Variants in ARHGAP26 observed in about 807,000 individuals in gnomAD.
ARHGAP26 encodes the protein Rho GTPase activating protein 26, also known as rho GTPase-activating protein 26.
ARHGAP26 carries 38 observed loss-of-function variants against 104.8 expected under a neutral mutation model. The observed-to-expected ratio is 0.36, with a 90% CI of 0.28 to 0.48. The LOEUF (loss-of-function observed/expected upper bound fraction) is 0.48, where lower values mean the gene tolerates loss of function less well. ARHGAP26 is among the 20% of genes least tolerant of loss of function. ARHGAP26 has a pLI of 0.99. For synonymous variants in ARHGAP26, 341 were observed against 340.0 expected (o/e 1.00, Z -0.03); for missense variants, 704 against 947.9 (o/e 0.74, Z 3.38).
chr5:142,818,194 A>G (rs1296298798), intron 1 of ARHGAP26, among the ~76,000 whole-genome samples: 1 of 151,376 alleles, frequency 6.6e-6, no homozygotes, highest in Non-Finnish European at 1.5e-5. Flanking sequence ...ACCACAAAGG[A>G]GAATGCCATG....
intron 12 of ARHGAP26, among the ~76,000 whole-genome samples, chr5:143,027,899 G>A (rs1781299820): frequency 1.3e-5 from 2 of 152,126 alleles, no homozygotes; most frequent in South Asian, 4.1e-4. Flanking sequence ...CCGGGAGAGG[G>A]CCCAGAATCT....
intron 1 of ARHGAP26, among the ~76,000 whole-genome samples, chr5:142,772,405 C>G (rs560765208): frequency 4.6e-5 from 7 of 152,282 alleles, no homozygotes; most frequent in African/African-American, 1.7e-4. Context: ...TAGGGGCCCA[C>G]TTACAGGTTG....
At chr5:143,096,920 A>G (rs1160013954) in intron 17 of ARHGAP26, among the ~76,000 whole-genome samples, 1 of 152,224 alleles carries the variant, frequency 6.6e-6, no homozygotes, top group Non-Finnish European at 1.5e-5. Flanking sequence ...CCTAGAGAAC[A>G]TAATATCCTC....
chr5:143,109,311 T>C (rs1794472735), intron 17 of ARHGAP26, among the ~76,000 whole-genome samples: 2 of 152,218 alleles, frequency 1.3e-5, no homozygotes, highest in East Asian at 1.9e-4. Flanking sequence ...AACACAGATA[T>C]ATAGGCGCAA....
chr5:143,053,681 G>A (rs1191118638), intron 14 of ARHGAP26, among the ~76,000 whole-genome samples: 1 of 152,230 alleles, frequency 6.6e-6, no homozygotes, highest in African/African-American at 2.4e-5. Flanking sequence ...TGTCAGAGCT[G>A]ATATGGTGGT....
At chr5:143,198,484 T>C (rs1324107326) in intron 20 of ARHGAP26, among the ~76,000 whole-genome samples, 1 of 152,224 alleles carries the variant, frequency 6.6e-6, no homozygotes, top group Non-Finnish European at 1.5e-5. Flanking sequence ...CAATAAGTAT[T>C]GTGAGCCACG....
chr5:142,800,575 C>T (rs1211101371), intron 1 of ARHGAP26, among the ~76,000 whole-genome samples: 1 of 152,178 alleles, frequency 6.6e-6, no homozygotes, highest in Non-Finnish European at 1.5e-5. Flanking sequence ...GTTGGTCAGG[C>T]TGGTCTCTAA....
intron 11 of ARHGAP26, among the ~76,000 whole-genome samples, chr5:142,967,202 G>T (rs558044750): frequency 1.3e-5 from 2 of 152,238 alleles, no homozygotes; most frequent in East Asian, 3.9e-4. Flanking sequence ...AAAACAGAAC[G>T]ATAAAAATTG....
At chr5:143,105,581 A>G (rs1793896309) in intron 17 of ARHGAP26, among the ~76,000 whole-genome samples, 1 of 152,126 alleles carries the variant, frequency 6.6e-6, no homozygotes, top group African/African-American at 2.4e-5. Flanking sequence ...GCATCCGGGT[A>G]GACGTTTGTG....
At chr5:143,152,351 T>G (rs1025775994) in intron 20 of ARHGAP26, among the ~76,000 whole-genome samples, 3 of 152,208 alleles carry the variant, frequency 2.0e-5, no homozygotes. Flanking sequence ...TGTAAAACTT[T>G]CATGCAATTT....
At chr5:143,168,000 C>T (rs184524337) in intron 20 of ARHGAP26, among the ~76,000 whole-genome samples, 3 of 152,284 alleles carry the variant, frequency 2.0e-5, no homozygotes, top group East Asian at 3.9e-4. Flanking sequence ...CTAGGTGCTA[C>T]AGGATAAAGT....
At chr5:143,093,771 G>A (rs56809185) in intron 17 of ARHGAP26, among the ~76,000 whole-genome samples, 11,276 of 152,104 alleles carry the variant, frequency 0.074, 682 homozygotes, top group East Asian at 0.2. Flanking sequence ...AGGGACCAGC[G>A]GGAGTGGAGC....
chr5:142,775,644 C>T (rs1489947395), intron 1 of ARHGAP26, among the ~76,000 whole-genome samples: 1 of 152,220 alleles, frequency 6.6e-6, no homozygotes, highest in Admixed American at 6.5e-5. Flanking sequence ...CCACTTTCCC[C>T]TCCCCCAACC....
intron 18 of ARHGAP26, among the ~76,000 whole-genome samples, chr5:143,127,754 T>G (rs748606135): frequency 3.9e-5 from 6 of 152,246 alleles, no homozygotes; most frequent in Admixed American, 2.6e-4. Context: ...TTCTGGACTT[T>G]GTGCACAAAA....
At chr5:143,022,685 C>T (rs1780517776) in intron 12 of ARHGAP26, among the ~76,000 whole-genome samples, 1 of 152,196 alleles carries the variant, frequency 6.6e-6, no homozygotes, top group South Asian at 2.1e-4. Flanking sequence ...GAAAGTGTCA[C>T]ACGATGGGCT....
chr5:142,900,132 C>T (rs749668061), intron 6 of ARHGAP26, among the ~76,000 whole-genome samples: 6 of 152,218 alleles, frequency 3.9e-5, no homozygotes, highest in Non-Finnish European at 7.3e-5. Context: ...AAACAGTTTT[C>T]ACTGTGAATG....
At chr5:142,895,149 C>T (rs1184363287) in intron 6 of ARHGAP26, among the ~76,000 whole-genome samples, 1 of 152,208 alleles carries the variant, frequency 6.6e-6, no homozygotes, top group Non-Finnish European at 1.5e-5. Flanking sequence ...AGCCAAAATG[C>T]AGCCTCTGAT....
intron 14 of ARHGAP26, among the ~76,000 whole-genome samples, chr5:143,053,469 G>A (rs1307467618): frequency 2.0e-5 from 3 of 152,184 alleles, no homozygotes; most frequent in Non-Finnish European, 4.4e-5. Flanking sequence ...ACCAGTATGT[G>A]TATGACCTGG....
intron 20 of ARHGAP26, among the ~76,000 whole-genome samples, chr5:143,180,242 C>T (rs1804115132): frequency 1.3e-5 from 2 of 152,174 alleles, no homozygotes; most frequent in African/African-American, 2.4e-5. Flanking sequence ...TCCCCTGCCT[C>T]AGCCTCCCAA....
Sources: allele counts gnomAD v4.1 joint callset (sites outside exome capture counted in the v4.1 genomes callset), GRCh38; gene constraint gnomAD v4.1.1; transcripts MANE v1.5; gene names NCBI Gene and HGNC (gene_info 2026-07-23, HGNC 2026-07-21).